IQCM: variants seen among roughly 807,000 people sequenced by gnomAD.
IQCM encodes IQ motif containing M, also known as IQ domain-containing protein M.
Under a neutral mutation model 57.6 loss-of-function variants are expected in IQCM, and 45 were observed. The observed-to-expected ratio is 0.78, with a 90% CI of 0.62 to 1.00. IQCM has a LOEUF of 1.00. Among genes scored for constraint, IQCM ranks in the 50% least tolerant of loss-of-function variants. The pLI, the probability that IQCM is intolerant of heterozygous loss-of-function variation, is 0.00. For missense variants in IQCM, 468 were observed against 511.6 expected (o/e 0.91, Z 0.82); for synonymous variants, 148 against 158.9 (o/e 0.93, Z 0.51).
intron 13 of IQCM, among the ~76,000 whole-genome samples, chr4:149,374,262 G>T (rs922581965): frequency 7.9e-5 from 12 of 152,076 alleles, no homozygotes; most frequent in African/African-American, 2.9e-4. Context: ...CTTAATTATT[G>T]TATCCATCTA....
At chr4:149,621,627 T>C (rs1271318694) in intron 7 of IQCM, among the ~76,000 whole-genome samples, 1 of 152,192 alleles carries the variant, frequency 6.6e-6, no homozygotes, top group East Asian at 1.9e-4. Flanking sequence ...CTCTCTGTGT[T>C]ACATACTTTA....
Position 149,733,294 on chromosome 4 carries a change from T to C in IQCM, c.335A>G (p.His112Arg), listed in dbSNP as rs997697348. The change falls in exon 5 of 14, where the codon CAC becomes CGC. Residue 112 changes from histidine to arginine, a missense_variant. His to Arg is a conservative substitution (Grantham distance 29). Transcript: ENST00000636793. ...GCATCTTTCTCTTCTACTAAAAATG[T>C]GTGGTTCCTTGAAGGAGATTCGTTG... Reference protein sequence around the residue: ...PPQRISFKEPHIFSRRERCRP... With the variant: ...PPQRISFKEPRIFSRRERCRP... 105 of 1,231,720 alleles carry C rather than the reference T, an allele frequency of 8.5e-5. No individual in the cohort carries two copies. Among genetic ancestry groups the C allele is most frequent in the Non-Finnish European group, 1.1e-4 (104 of 987,722 alleles). The allele number at this position is 1,231,720 out of a possible 1,614,324, so 76.3% of individuals were successfully genotyped here. A position where few individuals can be genotyped will look rare whatever the true frequency, so the allele number is the denominator to read the frequency against.
chr4:149,438,919 T>G (rs1458570551), intron 12 of IQCM, among the ~76,000 whole-genome samples: 1 of 151,958 alleles, frequency 6.6e-6, no homozygotes, highest in Admixed American at 6.6e-5. Context: ...CCAACATTAC[T>G]TAACTTAAAC....
chr4:149,647,213 C>G (rs1352803508), intron 7 of IQCM, among the ~76,000 whole-genome samples: 1 of 152,136 alleles, frequency 6.6e-6, no homozygotes, highest in Non-Finnish European at 1.5e-5. Context: ...AACAACTCAA[C>G]TGCTCTTTAA....
intron 9 of IQCM, among the ~76,000 whole-genome samples, chr4:149,565,846 A>C (rs774515588): frequency 5.9e-5 from 9 of 152,152 alleles, no homozygotes; most frequent in Admixed American, 1.3e-4. Context: ...TTAGCCTTGT[A>C]CAATATTCTT....
At chr4:149,690,997 T>C (rs748355524) in intron 5 of IQCM, 5 of 152,112 alleles carry the variant, frequency 3.3e-5, no homozygotes, top group Admixed American at 6.5e-5. Flanking sequence ...AGAAGGTAAC[T>C]ATAAAGCTCA....
intron 8 of IQCM, among the ~76,000 whole-genome samples, chr4:149,608,103 A>G (rs1258891532): frequency 1.3e-5 from 2 of 151,944 alleles, no homozygotes; most frequent in Admixed American, 6.6e-5. Context: ...AGTGGAAACC[A>G]AAAAAAGAGT....
chr4:149,380,463 CT>C (rs566685839), intron 13 of IQCM, among the ~76,000 whole-genome samples: 384 of 152,178 alleles, frequency 2.5e-3, no homozygotes, highest in Non-Finnish European at 3.7e-3. Flanking sequence ...GAAAATTTTG[CT>C]CATAATTATT....
chr4:149,361,807 G>T (rs780019855), intron 13 of IQCM, among the ~76,000 whole-genome samples: 19 of 152,212 alleles, frequency 1.2e-4, no homozygotes, highest in Non-Finnish European at 2.5e-4. Context: ...CCCCCACACA[G>T]AGTCCCTACT....
At chr4:149,747,678 G>T (rs770635488) in intron 2 of IQCM, among the ~76,000 whole-genome samples, 5 of 152,152 alleles carry the variant, frequency 3.3e-5, no homozygotes, top group Non-Finnish European at 5.9e-5. Context: ...TTGTGAGAGG[G>T]CCATAAAATG....
intron 2 of IQCM, among the ~76,000 whole-genome samples, chr4:149,813,637 T>C (rs1391785202): frequency 6.6e-6 from 1 of 152,046 alleles, no homozygotes; most frequent in Non-Finnish European, 1.5e-5. Context: ...GAGAAGTAAT[T>C]AGATACCTAT....
chr4:149,705,830 T>C (rs1204851428), intron 5 of IQCM, among the ~76,000 whole-genome samples: 1 of 151,956 alleles, frequency 6.6e-6, no homozygotes, highest in East Asian at 1.9e-4. Context: ...TGAAGTTTTA[T>C]TATATTTAAA....
chr4:149,810,101 C>A (rs555628147), intron 2 of IQCM, among the ~76,000 whole-genome samples: 2 of 151,932 alleles, frequency 1.3e-5, no homozygotes, highest in Non-Finnish European at 2.9e-5. Flanking sequence ...TGTTAGAGTA[C>A]GGGCTGGACA....
At chr4:149,530,673 GAC>G (rs1321531248) in intron 12 of IQCM, among the ~76,000 whole-genome samples, 1 of 152,016 alleles carries the variant, frequency 6.6e-6, no homozygotes, top group Admixed American at 6.6e-5. Context: ...ATTCAGATAA[GAC>G]AGTCACAGAG....
intron 12 of IQCM, among the ~76,000 whole-genome samples, chr4:149,547,002 G>A (rs1256978450): frequency 6.6e-6 from 1 of 152,158 alleles, no homozygotes; most frequent in African/African-American, 2.4e-5. Flanking sequence ...TTTGTATAAG[G>A]TGTAAGGAAG....
intron 13 of IQCM, among the ~76,000 whole-genome samples, chr4:149,370,160 T>C (rs1198264420): frequency 2.0e-5 from 3 of 152,182 alleles, no homozygotes; most frequent in East Asian, 1.9e-4. Context: ...TCCCGAAGTG[T>C]TGGGATCATA....
chr4:149,605,276 C>A (rs184085527), intron 8 of IQCM, among the ~76,000 whole-genome samples: 118 of 152,236 alleles, frequency 7.8e-4, no homozygotes, highest in Middle Eastern at 3.4e-3. Context: ...TAAGAGTTTT[C>A]TCTAGAATAT....
intron 12 of IQCM, among the ~76,000 whole-genome samples, chr4:149,521,409 C>T (rs17026298): frequency 0.023 from 3,534 of 152,182 alleles, 121 homozygotes; most frequent in African/African-American, 0.079. Flanking sequence ...AAATTATTAC[C>T]TACTCACAAT....
intron 7 of IQCM, among the ~76,000 whole-genome samples, chr4:149,628,751 A>G (rs1175440728): frequency 6.6e-6 from 1 of 152,194 alleles, no homozygotes; most frequent in Non-Finnish European, 1.5e-5. Flanking sequence ...CGGCAAAATT[A>G]CAGGAGTAAA....
Sources: allele counts gnomAD v4.1 joint callset (sites outside exome capture counted in the v4.1 genomes callset), GRCh38; gene constraint gnomAD v4.1.1; transcripts MANE v1.5; gene names NCBI Gene and HGNC (gene_info 2026-07-23, HGNC 2026-07-21).